Variants in PHACTR3 observed in about 807,000 individuals in gnomAD.
The protein encoded by PHACTR3 is phosphatase and actin regulator 3, also known as protein phosphatase 1, regulatory subunit 123.
A neutral mutation model predicts 66.8 loss-of-function variants in PHACTR3; 16 were observed. That is an observed-to-expected ratio of 0.24 (90% CI 0.16 to 0.36). The LOEUF is 0.36. Among genes scored for constraint, PHACTR3 ranks in the 10% least tolerant of loss-of-function variants. The pLI is 1.00. For missense variants in PHACTR3, 647 were observed against 719.9 expected (o/e 0.90, Z 1.16); for synonymous variants, 323 against 292.1 (o/e 1.11, Z -1.08).
chr20:59,661,681 C>T (rs1356034804), intron 1 of PHACTR3, among the ~76,000 whole-genome samples: 2 of 151,900 alleles, frequency 1.3e-5, no homozygotes, highest in African/African-American at 4.8e-5. Flanking sequence ...CTTTCTGTGG[C>T]CAGAGATGCC....
At chr20:59,752,704 G>T (rs2039642464) in intron 3 of PHACTR3, among the ~76,000 whole-genome samples, 1 of 150,744 alleles carries the variant, frequency 6.6e-6, no homozygotes. Flanking sequence ...CAGTTGTGAT[G>T]ATTTTGATGA....
rs75525072 is a variant in PHACTR3 at position 59,696,429 on chromosome 20, C to T, written c.119-46678C>T. Among the ~76,000 whole-genome samples the T allele has an allele frequency of 6.5e-3, 992 of 152,140 alleles. 6 individuals are homozygous for T. The highest frequency in any genetic ancestry group is 0.01 in the Middle Eastern group (3 of 294). On this transcript the variant is annotated intron_variant, in intron 1 of 12. Coordinates refer to ENST00000371015, the MANE Select transcript of PHACTR3 (RefSeq NM_080672.5). ...GGGCCATGAGTGACCATCTCAGGCC[C>T]GTCGGGAAGATACTTTTCATGTGGT... is the stretch of plus-strand genomic sequence containing the variant.
chr20:59,622,999 A>AAAAAAAAAAAAAAAAAAAAAAAAAC (rs1363121702), intron 1 of PHACTR3, among the ~76,000 whole-genome samples: 2 of 148,556 alleles, frequency 1.3e-5, no homozygotes, highest in Non-Finnish European at 1.5e-5. Flanking sequence ...AAAAAAAAAA[A>AAAAAAAAAAAAAAAAAAAAAAAAAC]AACCCAAATC....
intron 8 of PHACTR3, among the ~76,000 whole-genome samples, chr20:59,833,733 G>A (rs2042450693): frequency 6.6e-6 from 1 of 152,192 alleles, no homozygotes; most frequent in African/African-American, 2.4e-5. Flanking sequence ...AATGGCTGGG[G>A]CCAGCATCGC....
At chr20:59,616,322 G>A (rs183376732) in intron 1 of PHACTR3, among the ~76,000 whole-genome samples, 216 of 152,292 alleles carry the variant, frequency 1.4e-3, no homozygotes, top group Admixed American at 2.6e-3. Context: ...TGTCTTGGTG[G>A]ATAAGAGCAG....
intron 1 of PHACTR3, among the ~76,000 whole-genome samples, chr20:59,703,762 TGTC>T (rs1205343674): frequency 8.5e-5 from 13 of 152,272 alleles, no homozygotes; most frequent in Admixed American, 6.5e-4. Context: ...AGTTCTTGTC[TGTC>T]GTCCTCATTG....
intron 1 of PHACTR3, among the ~76,000 whole-genome samples, chr20:59,582,355 A>G (rs748974367): frequency 2.0e-5 from 3 of 152,208 alleles, no homozygotes; most frequent in Non-Finnish European, 4.4e-5. Flanking sequence ...ACCGATGGCC[A>G]TGGAGGTCCC....
intron 7 of PHACTR3, among the ~76,000 whole-genome samples, chr20:59,788,375 C>G (rs1169199304): frequency 6.6e-6 from 1 of 152,150 alleles, no homozygotes; most frequent in Non-Finnish European, 1.5e-5. Flanking sequence ...CTCAGGCACC[C>G]ATTGCAGGGT....
At chr20:59,840,046 G>C (rs2059030484) in intron 9 of PHACTR3, among the ~76,000 whole-genome samples, 1 of 152,096 alleles carries the variant, frequency 6.6e-6, no homozygotes, top group Admixed American at 6.5e-5. Flanking sequence ...AAAGATATTT[G>C]GGGAGAAAGA....
chr20:59,648,929 T>A (rs989874290), intron 1 of PHACTR3, among the ~76,000 whole-genome samples: 1 of 151,850 alleles, frequency 6.6e-6, no homozygotes, highest in African/African-American at 2.4e-5. Context: ...GAGGAGAGAG[T>A]CCTGTTGTTC....
intron 1 of PHACTR3, among the ~76,000 whole-genome samples, chr20:59,586,090 A>C (rs1318480982): frequency 1.3e-5 from 2 of 152,284 alleles, no homozygotes; most frequent in Admixed American, 6.5e-5. Flanking sequence ...GTCACCTGAC[A>C]GGTGCCCTTG....
chr20:59,767,477 A>G (rs1269424522), intron 5 of PHACTR3, 82 bp downstream of exon 5: 4 of 1,410,358 alleles, frequency 2.8e-6, no homozygotes, highest in Non-Finnish European at 2.9e-6. Flanking sequence ...CCACCCATCC[A>G]TCATCTATCT....
chr20:59,715,603 C>T (rs1302722738), intron 1 of PHACTR3, among the ~76,000 whole-genome samples: 1 of 152,162 alleles, frequency 6.6e-6, no homozygotes, highest in African/African-American at 2.4e-5. Flanking sequence ...ATGCCCTTTT[C>T]TGGCTTTGGT....
At chr20:59,670,408 C>A (rs2036147955) in intron 1 of PHACTR3, among the ~76,000 whole-genome samples, 1 of 152,156 alleles carries the variant, frequency 6.6e-6, no homozygotes. Context: ...GAGGCAGAAA[C>A]CTCTCTTTTG....
chr20:59,640,660 A>G (rs1364897248), intron 1 of PHACTR3, among the ~76,000 whole-genome samples: 1 of 152,218 alleles, frequency 6.6e-6, no homozygotes, highest in Non-Finnish European at 1.5e-5. Context: ...GCATCAAACC[A>G]GTAGTAGAGA....
intron 1 of PHACTR3, among the ~76,000 whole-genome samples, chr20:59,688,232 G>A (rs186975380): frequency 1.9e-3 from 296 of 152,290 alleles, no homozygotes; most frequent in African/African-American, 6.7e-3. Context: ...ATGCAGCTAC[G>A]AGTGAATATA....
chr20:59,700,026 A>AC (rs2146607017), intron 1 of PHACTR3, among the ~76,000 whole-genome samples: 1 of 152,292 alleles, frequency 6.6e-6, no homozygotes, highest in Admixed American at 6.5e-5. Flanking sequence ...TTTCTGGTTG[A>AC]CCAGTTCTCC....
intron 10 of PHACTR3, 118 bp from the exon 11 acceptor site, chr20:59,841,277 C>A (rs1044209457): frequency 9.9e-7 from 1 of 1,011,532 alleles, no homozygotes; most frequent in Non-Finnish European, 1.4e-6. Flanking sequence ...GTTATATTTT[C>A]CAGTTTCAGG....
chr20:59,836,322 C>A, intron 8 of PHACTR3, 183 bp from the exon 9 acceptor site: 1 of 570,586 alleles, frequency 1.8e-6, no homozygotes, highest in Admixed American at 3.3e-5. Context: ...CTTTGACTGT[C>A]ACCTGGAAGT....
Sources: allele counts gnomAD v4.1 joint callset (sites outside exome capture counted in the v4.1 genomes callset), GRCh38; gene constraint gnomAD v4.1.1; transcripts MANE v1.5; gene names NCBI Gene and HGNC (gene_info 2026-07-23, HGNC 2026-07-21).